FGD4: variants seen among roughly 807,000 people sequenced by gnomAD.
The protein encoded by FGD4 is FYVE, RhoGEF and PH domain-containing protein 4.
A neutral mutation model predicts 102.0 loss-of-function variants in FGD4; 42 were observed. That is an observed-to-expected ratio of 0.41 (90% CI 0.32 to 0.53). The LOEUF is 0.53. Among genes scored for constraint, FGD4 ranks in the 20% least tolerant of loss-of-function variants. The pLI is 0.21. For missense variants in FGD4, 902 were observed against 1,078.2 expected (o/e 0.84, Z 2.29); for synonymous variants, 380 against 375.7 (o/e 1.01, Z -0.13).
chr12:32,515,632 C>G (rs1224593501), intron 1 of FGD4, among the ~76,000 whole-genome samples: 1 of 152,230 alleles, frequency 6.6e-6, no homozygotes, highest in Non-Finnish European at 1.5e-5. Context: ...GCCTGCCCCT[C>G]CTGTTCTTTT....
chr12:32,494,480 G>A (rs1937668445), intron 1 of FGD4, among the ~76,000 whole-genome samples: 1 of 152,180 alleles, frequency 6.6e-6, no homozygotes, highest in South Asian at 2.1e-4. Context: ...GCCATTCAGT[G>A]GGATTCCATG....
At chr12:32,449,727 T>C (rs1488394168) in intron 1 of FGD4, among the ~76,000 whole-genome samples, 2 of 152,050 alleles carry the variant, frequency 1.3e-5, no homozygotes, top group African/African-American at 2.4e-5. Context: ...TAAGACTATG[T>C]AACTGTTTCA....
rs1219785913 is a variant in FGD4, at chr12:32,582,449, C to G, written c.993C>G (p.Asp331Glu). The G allele has an allele frequency of 3.7e-6, 6 of 1,611,240 alleles. No individual in the cohort carries two copies. Among genetic ancestry groups the G allele is most frequent in the Non-Finnish European group, 5.1e-6 (6 of 1,180,002 alleles). The change falls in exon 4 of 17, where the codon GAC (aspartate) becomes GAG (glutamate). Residue 331 changes from aspartate (D) to glutamate (E), a missense_variant. Around this residue, in one of 2 missense-constraint regions of FGD4, gnomAD observed 443 missense variants for 459.2 expected, o/e 0.96. Coordinates refer to ENST00000534526, the MANE Select transcript of FGD4 (RefSeq NM_001370298.3). ...GCCCTCTGGAACTGGAGCAGCTGGA[C>G]CAGCACCATGAGATGAAGGTAGAGC... is the stretch of plus-strand genomic sequence containing the variant. ...GESPLELEQL[D>E]QHHEMKETNE...
At chr12:32,433,598 A>G (rs1481605477) in intron 1 of FGD4, among the ~76,000 whole-genome samples, 4 of 152,026 alleles carry the variant, frequency 2.6e-5, no homozygotes, top group South Asian at 2.1e-4. Context: ...CGGCCTCCCA[A>G]AGTGCTGGGA....
rs147118226 is a variant in FGD4, at chr12:32,538,092, T to C, written c.167-26045T>C. Among the ~76,000 whole-genome samples the C allele has an allele frequency of 2.0e-5, 3 of 152,264 alleles. No individual in the cohort carries two copies. The East Asian group carries it at 5.8e-4, about 29-fold the overall frequency. ...TTATATTTTTAGTAGAGACATGGGT[T>C]TTGTCATGTTGCCCAGGCAGGTCTC... is the stretch of plus-strand genomic sequence containing the variant. On this transcript the variant is annotated intron_variant, in intron 1 of 16. Coordinates refer to ENST00000534526, the MANE Select transcript of FGD4 (RefSeq NM_001370298.3).
At chr12:32,522,301 G>A (rs11052040) in intron 1 of FGD4, among the ~76,000 whole-genome samples, 24,230 of 152,084 alleles carry the variant, frequency 0.16, 2,350 homozygotes, top group Middle Eastern at 0.3. Flanking sequence ...CAAAAGACAG[G>A]AAGATCCTCG....
intron 1 of FGD4, among the ~76,000 whole-genome samples, chr12:32,539,130 T>C (rs1942578648): frequency 6.6e-6 from 1 of 152,192 alleles, no homozygotes; most frequent in African/African-American, 2.4e-5. Context: ...TGCCCCACTT[T>C]TTGTTTTTTC....
chr12:32,540,566 C>CTTT (rs528437420), intron 1 of FGD4, among the ~76,000 whole-genome samples: 12 of 136,408 alleles, frequency 8.8e-5, no homozygotes, highest in African/African-American at 2.2e-4. Flanking sequence ...TCTTTCTTTT[C>CTTT]TTTTTTTTTT....
At chr12:32,523,285 G>T (rs2096200885) in intron 1 of FGD4, among the ~76,000 whole-genome samples, 1 of 152,182 alleles carries the variant, frequency 6.6e-6, no homozygotes, top group African/African-American at 2.4e-5. Context: ...GTTTTTGAAA[G>T]TGTGGTAAAA....
At chr12:32,507,538 G>A (rs564483447) in intron 1 of FGD4, among the ~76,000 whole-genome samples, 2 of 152,314 alleles carry the variant, frequency 1.3e-5, no homozygotes, top group South Asian at 4.1e-4. Context: ...TGTTAAGTGA[G>A]TGCTACAAAG....
chr12:32,589,001 T>A (rs1947264310), intron 4 of FGD4, among the ~76,000 whole-genome samples: 1 of 152,200 alleles, frequency 6.6e-6, no homozygotes, highest in Non-Finnish European at 1.5e-5. Flanking sequence ...TAGATTTGAA[T>A]CCCACTCAGC....
intron 1 of FGD4, among the ~76,000 whole-genome samples, chr12:32,483,182 G>A (rs1326566075): frequency 6.6e-6 from 1 of 152,160 alleles, no homozygotes; most frequent in Non-Finnish European, 1.5e-5. Context: ...TAAAATTGCA[G>A]TTCCTATAGC....
chr12:32,581,205 T>C (rs1473277255), intron 3 of FGD4, among the ~76,000 whole-genome samples: 2 of 152,102 alleles, frequency 1.3e-5, no homozygotes, highest in African/African-American at 4.8e-5. Flanking sequence ...TTATTAAGAA[T>C]GGGAGCAGCA....
intron 7 of FGD4, among the ~76,000 whole-genome samples, chr12:32,604,588 T>A (rs1299160198): frequency 6.6e-6 from 1 of 152,228 alleles, no homozygotes; most frequent in Non-Finnish European, 1.5e-5. Context: ...AACTTCTGGC[T>A]AGTAGAGTTA....
At chr12:32,596,160 A>G (rs780696401) in intron 4 of FGD4, among the ~76,000 whole-genome samples, 1 of 152,238 alleles carries the variant, frequency 6.6e-6, no homozygotes, top group Admixed American at 6.5e-5. Flanking sequence ...GCAAAGTACT[A>G]GATAGAAAGT....
At chr12:32,402,559 C>T (rs1315564346) in intron 1 of FGD4, among the ~76,000 whole-genome samples, 2 of 151,658 alleles carry the variant, frequency 1.3e-5, no homozygotes, top group African/African-American at 4.9e-5. Flanking sequence ...AGCTATCCTT[C>T]TGCCTCAGTC....
intron 1 of FGD4, among the ~76,000 whole-genome samples, chr12:32,501,326 TTACCTC>T (rs1268145706): frequency 6.6e-6 from 1 of 152,220 alleles, no homozygotes; most frequent in East Asian, 1.9e-4. Context: ...GATTTATAGT[TTACCTC>T]TAATAGTTGG....
intron 15 of FGD4, among the ~76,000 whole-genome samples, chr12:32,636,245 A>G (rs1308267595): frequency 1.3e-5 from 2 of 152,130 alleles, no homozygotes; most frequent in African/African-American, 4.8e-5. Flanking sequence ...TGCTTTAAAA[A>G]TTGTCTGTGG....
At chr12:32,564,456 C>T (rs1945017345) in intron 2 of FGD4, among the ~76,000 whole-genome samples, 167 bp downstream of exon 2, 1 of 152,160 alleles carries the variant, frequency 6.6e-6, no homozygotes, top group Non-Finnish European at 1.5e-5. Context: ...GCAGAGGTTG[C>T]TATTTGTTCT....
Sources: gnomAD v4.1 joint callset for allele counts (sites outside exome capture counted in the v4.1 genomes callset) on GRCh38, gnomAD v4.1.1 for gene constraint, gnomAD v4.1.1 regional missense constraint, MANE v1.5 for transcripts, NCBI Gene and HGNC (gene_info 2026-07-23, HGNC 2026-07-21) for gene names.